The following SHC1 variants were observed in gnomAD, a reference collection of about 807,000 sequenced individuals.
SHC1 encodes SHC adaptor protein 1.
Under a neutral mutation model 55.9 loss-of-function variants are expected in SHC1, and 30 were observed. The ratio of observed to expected loss-of-function variants is 0.54; its 90% CI spans 0.40 to 0.73. The LOEUF is 0.73. Among genes scored for constraint, SHC1 ranks in the 30% least tolerant of loss-of-function variants. The pLI, the probability that SHC1 is intolerant of heterozygous loss-of-function variation, is 0.00. For synonymous variants in SHC1, 309 were observed against 306.1 expected, an observed-to-expected ratio of 1.01 and a Z score of -0.10; for missense variants, 675 against 777.1, an observed-to-expected ratio of 0.87 and a Z score of 1.56.
intron 7 of SHC1, among the ~76,000 whole-genome samples, chr1:154,967,361 T>C (rs1656134199): frequency 6.6e-6 from 1 of 151,864 alleles, no homozygotes; most frequent in Admixed American, 6.6e-5. Flanking sequence ...AAACACATAA[T>C]GCCAAGCAGA....
chr1:154,965,320 A>G lies in SHC1; in HGVS notation c.1626+223T>C, dbSNP rs554188781. On this transcript the variant is annotated intron_variant, in intron 11 of 11. Coordinates refer to ENST00000448116, the MANE Select transcript of SHC1 (RefSeq NM_001130040.2). Reference sequence around the variant, plus strand: ...CCAAAGCGCTGGGATTACAGGTGTGAGCCACCACGCCTGGCCCTGTGCCAG... The same window carrying G: ...CCAAAGCGCTGGGATTACAGGTGTGGGCCACCACGCCTGGCCCTGTGCCAG... 964 of 1,432,426 alleles carry G rather than the reference A, an allele frequency of 6.7e-4. 19 individuals carry two copies. In the South Asian group the frequency reaches 0.012, roughly 17 times the overall value. The allele number at this position is 1,432,426 out of a possible 1,614,324, so 88.7% of individuals were successfully genotyped here.
rs529019730 is a variant in SHC1, at chr1:154,963,461, A to C, written c.*342T>G. On this transcript the variant is annotated 3_prime_UTR_variant, in exon 12 of 12. Coordinates refer to ENST00000448116, the MANE Select transcript of SHC1 (RefSeq NM_001130040.2). ...TGTGATTTGTTCCCCCTTGCCCAGA[A>C]GGGTGACTGTTCCACTGGGCCTGTC... The C allele has an allele frequency of 7.4e-5, 18 of 244,416 alleles. No homozygotes were observed. The Admixed American group carries it at 7.6e-4, about 10-fold the overall frequency. 15.1% of individuals were successfully genotyped at this position (244,416 alleles called of 1,614,324 possible). A position where few individuals can be genotyped will look rare whatever the true frequency, so the allele number is the denominator to read the frequency against.
intron 11 of SHC1, 143 bp from the exon 12 acceptor site, chr1:154,964,074 G>T (rs779396714): frequency 3.5e-6 from 3 of 845,792 alleles, no homozygotes; most frequent in Middle Eastern, 2.2e-4. Flanking sequence ...TGTCAATCCT[G>T]ATCATTGAGG....
intron 2 of SHC1, among the ~76,000 whole-genome samples, chr1:154,969,173 C>G (rs1656411422): frequency 6.6e-6 from 1 of 152,184 alleles, no homozygotes; most frequent in Non-Finnish European, 1.5e-5. Flanking sequence ...CCACAACTCC[C>G]AAGGCTGGAT....
intron 1 of SHC1, 121 bp from the exon 2 acceptor site, chr1:154,969,569 C>A: frequency 1.5e-6 from 1 of 679,790 alleles, no homozygotes; most frequent in Admixed American, 2.5e-5. Flanking sequence ...AAGTTCTGCC[C>A]ACTTCCCGTG....
chr1:154,964,327 G>C (rs1655666365), intron 11 of SHC1: 1 of 466,598 alleles, frequency 2.1e-6, no homozygotes. Flanking sequence ...CTTGAGCCCG[G>C]GAGTTCAAGA....
Position 154,966,211 on chromosome 1 carries a change from C to T in SHC1, c.1203G>A (p.Gly401=), listed in dbSNP as rs1366654316. 10 of 1,613,988 alleles carry T rather than the reference C, an allele frequency of 6.2e-6. No individual in the cohort carries two copies. The highest frequency in any genetic ancestry group is 8.5e-6 in the Non-Finnish European group (10 of 1,180,000). The stretch of plus-strand genomic sequence containing the variant: ...TCTGTTTGCGGACTTCTGGATCTCC[C>T]CCAACAGGCTGTCCTACAGGCTGCA... The part of the protein sequence containing the change: ...GATLPVGQPV[G]GDPEVRKQMP... Residue 401 remains glycine (G), a synonymous_variant, in exon 9 of 12, where the codon GGG becomes GGA. Coordinates refer to ENST00000448116, the MANE Select transcript of SHC1 (RefSeq NM_001130040.2).
rs1656585528 is a variant in SHC1 at position 154,970,287 on chromosome 1, A to AGAGG, written c.239_240insCCTC (p.Lys81LeufsTer2). The AGAGG allele has an allele frequency of 6.2e-7, 1 of 1,606,558 alleles. No individual in the cohort carries two copies. Reference sequence around the variant, plus strand: ...CAGCTGCCCTTCCTGGCTCCCCCTTAGACCCTGGGCGCCCCCCAGCCGGGT... The same window carrying AGAGG: ...CAGCTGCCCTTCCTGGCTCCCCCTTAGAGGGACCCTGGGCGCCCCCCAGCCGGGT... On this transcript the variant is annotated frameshift_variant, in exon 1 of 12. Coordinates refer to ENST00000448116, the MANE Select transcript of SHC1 (RefSeq NM_001130040.2). LOFTEE classifies it high-confidence loss of function. The surrounding 1 kb of genome is among the most constrained non-coding windows in gnomAD (Gnocchi z 5.5).
chr1:154,967,444 G>A (rs1656145191), intron 7 of SHC1, among the ~76,000 whole-genome samples: 1 of 152,086 alleles, frequency 6.6e-6, no homozygotes. Flanking sequence ...TGGAGGCCCC[G>A]GACTACAACT....
chr1:154,964,162 A>G (rs1423390155), intron 11 of SHC1: 1 of 669,054 alleles, frequency 1.5e-6, no homozygotes, highest in East Asian at 3.0e-5. Context: ...CAGCCCTGAA[A>G]GAGTGAAGCT....
intron 7 of SHC1, among the ~76,000 whole-genome samples, chr1:154,966,860 T>A (rs912134838): frequency 6.6e-6 from 1 of 152,174 alleles, no homozygotes; most frequent in Non-Finnish European, 1.5e-5. Flanking sequence ...CCCAACACTT[T>A]CAGAGGCCAA....
At chr1:154,965,059 C>CA (rs1655765853) in intron 11 of SHC1, among the ~76,000 whole-genome samples, 1 of 152,110 alleles carries the variant, frequency 6.6e-6, no homozygotes, top group Non-Finnish European at 1.5e-5. Flanking sequence ...TTTTTTCAGA[C>CA]AGAGTCTCAC....
Position 154,965,738 on chromosome 1 carries a change from C to T in SHC1, c.1431G>A (p.Ser477=), listed in dbSNP as rs61751623. 2.0e-4 allele frequency: 316 copies of T among 1,613,986 alleles called. No individual in the cohort carries two copies. The highest frequency in any genetic ancestry group is 1.9e-3 in the African/African-American group (140 of 75,010). The change falls in exon 11 of 12, where the codon TCG becomes TCA. Residue 477 remains serine, a synonymous_variant. Coordinates refer to ENST00000448116, the MANE Select transcript of SHC1 (RefSeq NM_001130040.2). ...CTCGGAGCTGCTCAGCCATGGACAC[C>T]GACTGGGGAGGTGGAGGCACGCGAA... ...DALRVPPPPQ[S]VSMAEQLRGE...
Position 154,970,608 on chromosome 1 carries a change from G to A in SHC1, c.-82C>T, listed in dbSNP as rs1296955467. 4 of 942,034 alleles carry A rather than the reference G, an allele frequency of 4.2e-6. No individual in the cohort carries two copies. The African/African-American group carries it at 5.0e-5, about 12-fold the overall frequency. 58.4% of individuals were successfully genotyped at this position (942,034 alleles called of 1,614,324 possible). A position where few individuals can be genotyped will look rare whatever the true frequency, so the allele number is the denominator to read the frequency against. ...GGGGGCCAGGCAGGGGGTATCCCCA[G>A]GCCCTTAGCCTGGTTGGACCTCTGT... On this transcript the variant is annotated 5_prime_UTR_variant, in exon 1 of 12. Transcript: ENST00000448116. The surrounding 1 kb of genome is among the most constrained non-coding windows in gnomAD (Gnocchi z 5.5).
chr1:154,968,254 TGATCTGAGAATTA>T lies in SHC1; in HGVS notation c.751-10_753del. 1 of 1,614,162 alleles carries T rather than the reference TGATCTGAGAATTA, an allele frequency of 6.2e-7. No individual in the cohort carries two copies. Among genetic ancestry groups the T allele is most frequent in the Non-Finnish European group, 8.5e-7 (1 of 1,179,992 alleles). On this transcript the variant is annotated splice_acceptor_variant and splice_polypyrimidine_tract_variant and coding_sequence_variant and intron_variant, in exon 5 of 12. Coordinates refer to ENST00000448116, the MANE Select transcript of SHC1 (RefSeq NM_001130040.2). LOFTEE classifies it high-confidence loss of function. ...ATAGATTGCATGTGGTGGTTGGCGA[TGATCTGAGAATTA>T]GGGCAGGGGATGAAGAAGGAAGGGA...
Position 154,970,124 on chromosome 1 carries a change from T to C in SHC1, c.403A>G (p.Thr135Ala). 6.2e-7 allele frequency: 1 copy of C among 1,611,162 alleles called. No individual in the cohort carries two copies. ...EGGQLGGEEW[T>A]RHGSFVNKPT... ...TTATTGACAAAGCTCCCGTGGCGGG[T>C]CCACTCCTCGCCCCCAAGCTGGCCC... Residue 135 changes from threonine to alanine, a missense_variant, in exon 1 of 12, where the codon ACC becomes GCC. Physicochemically the swap from Thr to Ala is moderately conservative, Grantham distance 58. Around this residue, in one of 3 missense-constraint regions of SHC1, gnomAD observed 159 missense variants for 246.9 expected, o/e 0.64. Coordinates refer to ENST00000448116, the MANE Select transcript of SHC1 (RefSeq NM_001130040.2). The surrounding 1 kb of genome is among the most constrained non-coding windows in gnomAD (Gnocchi z 5.5).
rs1030046868 is a variant in SHC1, at chr1:154,962,811, T to C, written c.*992A>G. 2.0e-5 allele frequency: 3 copies of C among 152,790 alleles called. No individual in the cohort carries two copies. Among genetic ancestry groups the C allele is most frequent in the Non-Finnish European group, 4.4e-5 (3 of 68,036 alleles). The allele number at this position is 152,790 out of a possible 1,614,324, so 9.5% of individuals were successfully genotyped here. ...AAAGTAAGTCTACAGCCCTAAAATATATGCATATAAAACTTTAAAAGAATG... is the reference window on the plus strand; with the variant it reads ...AAAGTAAGTCTACAGCCCTAAAATACATGCATATAAAACTTTAAAAGAATG... On this transcript the variant is annotated 3_prime_UTR_variant, in exon 12 of 12. Coordinates refer to ENST00000448116, the MANE Select transcript of SHC1 (RefSeq NM_001130040.2).
chr1:154,969,914 G>A, intron 1 of SHC1, 118 bp downstream of exon 1: 1 of 1,128,370 alleles, frequency 8.9e-7, no homozygotes, highest in Non-Finnish European at 1.3e-6. Flanking sequence ...TTAGGAAATA[G>A]GACACTGAAA....
At chr1:154,973,133 T>A (rs1429150283), upstream of SHC1, among the ~76,000 whole-genome samples, 2 of 152,182 alleles carry the variant, frequency 1.3e-5, no homozygotes, top group Admixed American at 6.5e-5. Context: ...GCTGGGAGTC[T>A]GAGGGCAAGT....
Sources: allele counts gnomAD v4.1 joint callset (sites outside exome capture counted in the v4.1 genomes callset), GRCh38; gene constraint gnomAD v4.1.1; regional missense constraint gnomAD v4.1.1; non-coding constraint Gnocchi (gnomAD v3.1); transcripts MANE v1.5; gene names NCBI Gene and HGNC (gene_info 2026-07-23, HGNC 2026-07-21).